The following MDGA1 variants were observed in gnomAD, a reference collection of about 807,000 sequenced individuals.
MDGA1 encodes MAM domain containing glycosylphosphatidylinositol anchor 1, also known as MAM domain-containing glycosylphosphatidylinositol anchor protein 1.
Under a neutral mutation model 101.5 loss-of-function variants are expected in MDGA1, and 54 were observed. The observed-to-expected ratio is 0.53, with a 90% CI of 0.43 to 0.67. MDGA1 has a LOEUF of 0.67. MDGA1 is among the 30% of genes least tolerant of loss of function. MDGA1 has a pLI of 0.00. For missense variants in MDGA1, 1,083 were observed against 1,323.8 expected, an observed-to-expected ratio of 0.82 and a Z score of 2.82; for synonymous variants, 533 against 558.3, an observed-to-expected ratio of 0.95 and a Z score of 0.64.
At position 37,644,643 on chromosome 6, in the gene MDGA1, GTGT is replaced by G; in HGVS notation, c.2252_2254del (p.Asn751del). 6.3e-7 allele frequency: 1 copy of G among 1,580,796 alleles called. No individual in the cohort carries two copies. The highest frequency in any genetic ancestry group is 8.6e-7 in the Non-Finnish European group (1 of 1,163,696). On this transcript the variant is annotated inframe_deletion, in exon 13 of 17. Transcript: ENST00000434837. ...GATCTTCTCATCCTCAAAGTGGCAG[GTGT>G]TGTCTGCATTTTATGGGGCGAATGA... is the stretch of plus-strand genomic sequence containing the variant.
At chr6:37,663,719 G>A (rs1761676899) in intron 2 of MDGA1, among the ~76,000 whole-genome samples, 1 of 152,172 alleles carries the variant, frequency 6.6e-6, no homozygotes. Context: ...GGAATGGAGT[G>A]GAATTGAACA....
At chr6:37,676,188 C>T (rs1761973853) in intron 1 of MDGA1, among the ~76,000 whole-genome samples, 1 of 152,202 alleles carries the variant, frequency 6.6e-6, no homozygotes, top group African/African-American at 2.4e-5. Context: ...CTGATAGGCC[C>T]CAGTCTCTAG....
intron 3 of MDGA1, 54 bp downstream of exon 3, chr6:37,658,191 C>G: frequency 6.7e-7 from 1 of 1,483,870 alleles, no homozygotes; most frequent in Non-Finnish European, 9.0e-7. Context: ...CTGGGGCGCC[C>G]TCTGGCCCGG....
At chr6:37,691,523 C>T (rs1413602321) in intron 1 of MDGA1, among the ~76,000 whole-genome samples, 1 of 152,162 alleles carries the variant, frequency 6.6e-6, no homozygotes, top group African/African-American at 2.4e-5. Context: ...CATGACCAAA[C>T]GAATGGTGGG....
In MDGA1 at chr6:37,655,647, C is replaced by T; in HGVS notation, c.579+53G>A. The stretch of plus-strand genomic sequence containing the variant: ...AAAAACTCAGCCCCATGCCCCCCTC[C>T]CCTGTTGGATGCAGGAGAAGTGGTA... On this transcript the variant is annotated intron_variant, in intron 4 of 16. Coordinates refer to ENST00000434837, the MANE Select transcript of MDGA1 (RefSeq NM_153487.4). This position sits in a 1 kb window ranked among gnomAD's most constrained non-coding sequence, Gnocchi z 5.1. 7 of 1,423,930 alleles carry T rather than the reference C, an allele frequency of 4.9e-6. No individual in the cohort carries two copies. The South Asian group carries it at 8.3e-5, about 17-fold the overall frequency. 88.2% of individuals were successfully genotyped at this position (1,423,930 alleles called of 1,614,324 possible).
At chr6:37,662,782 C>T (rs543484171) in intron 2 of MDGA1, among the ~76,000 whole-genome samples, 41 of 152,276 alleles carry the variant, frequency 2.7e-4, no homozygotes, top group African/African-American at 8.7e-4. Context: ...TACACATACA[C>T]ACAGCCACAA....
rs542337380 is a variant in MDGA1, at chr6:37,630,959, T to C, written c.*6409A>G. The C allele has an allele frequency of 6.6e-6, 1 of 152,140 alleles. No homozygotes were observed. Among genetic ancestry groups the C allele is most frequent in the Middle Eastern group, 3.4e-3 (1 of 292 alleles). The allele number at this position is 152,140 out of a possible 1,614,324, so 9.4% of individuals were successfully genotyped here. A position where few individuals can be genotyped will look rare whatever the true frequency, so the allele number is the denominator to read the frequency against. On this transcript the variant is annotated 3_prime_UTR_variant, in exon 17 of 17. Coordinates refer to ENST00000434837, the MANE Select transcript of MDGA1 (RefSeq NM_153487.4). ...CGTTCCAAGAGGCCTGAGCTGAAGC[T>C]CCAAGGCATCTTCAACTCAGCATGT...
chr6:37,650,494 G>C (rs804817), intron 7 of MDGA1, 89 bp from the exon 8 acceptor site: 367,428 of 1,325,756 alleles, frequency 0.28, 57,318 homozygotes, highest in African/African-American at 0.64. Flanking sequence ...CTTACCTCCC[G>C]CTAGGGGCAA....
At chr6:37,664,907 G>A (rs868311771) in intron 1 of MDGA1, among the ~76,000 whole-genome samples, 90 of 54,434 alleles carry the variant, frequency 1.7e-3, no homozygotes, top group African/African-American at 4.6e-3. Flanking sequence ...ACACACACAC[G>A]GCTGCACATT....
chr6:37,641,274 T>C (rs981481137), intron 14 of MDGA1, among the ~76,000 whole-genome samples: 1 of 152,172 alleles, frequency 6.6e-6, no homozygotes, highest in African/African-American at 2.4e-5. Context: ...GGAAGTGCCA[T>C]GGAAATGCCA....
At chr6:37,675,184 C>T (rs1761951515) in intron 1 of MDGA1, among the ~76,000 whole-genome samples, 1 of 152,208 alleles carries the variant, frequency 6.6e-6, no homozygotes, top group African/African-American at 2.4e-5. Flanking sequence ...TCTGAGAGGG[C>T]TGCTCAACGG....
At chr6:37,645,883 T>C in intron 12 of MDGA1, 50 bp downstream of exon 12, 1 of 1,604,742 alleles carries the variant, frequency 6.2e-7, no homozygotes, top group Non-Finnish European at 8.5e-7. Flanking sequence ...CAGGAGAGCC[T>C]TTGTGTCCCT....
rs1270398577 is a variant in MDGA1 at position 37,636,252 on chromosome 6, C to T, written c.*1116G>A. The T allele has an allele frequency of 6.6e-6, 1 of 152,630 alleles. No individual in the cohort carries two copies. Among genetic ancestry groups the T allele is most frequent in the Non-Finnish European group, 1.5e-5 (1 of 68,308 alleles). 9.5% of individuals were successfully genotyped at this position (152,630 alleles called of 1,614,324 possible). On this transcript the variant is annotated 3_prime_UTR_variant, in exon 17 of 17. Coordinates refer to ENST00000434837, the MANE Select transcript of MDGA1 (RefSeq NM_153487.4). ...GAGTGAGGGGACTGGCACCTGCTCC[C>T]TCCACCAATCCCAGCTCTATAAGCC...
At chr6:37,677,977 A>T (rs1246995942) in intron 1 of MDGA1, among the ~76,000 whole-genome samples, 1 of 152,180 alleles carries the variant, frequency 6.6e-6, no homozygotes, top group East Asian at 1.9e-4. Flanking sequence ...ATCTCTGCAT[A>T]TGCAGTTACC....
chr6:37,658,346 C>A lies in MDGA1; in HGVS notation c.281G>T (p.Arg94Leu), dbSNP rs1373520317. 6.2e-7 allele frequency: 1 copy of A among 1,613,006 alleles called. No individual in the cohort carries two copies. Among genetic ancestry groups the A allele is most frequent in the Non-Finnish European group, 8.5e-7 (1 of 1,179,708 alleles). The change falls in exon 3 of 17, where the codon CGC becomes CTC. Residue 94 changes from arginine to leucine, a missense_variant. Arg to Leu is a moderately radical substitution (Grantham distance 102). Coordinates refer to ENST00000434837, the MANE Select transcript of MDGA1 (RefSeq NM_153487.4). ...CTGCGTGCGTGCAATACGCTCGATGCGCAGCGTCTCGTTGAACACCGATGT... is the reference window on the plus strand; with the variant it reads ...CTGCGTGCGTGCAATACGCTCGATGAGCAGCGTCTCGTTGAACACCGATGT... ...QETSVFNETL[R>L]IERIARTQGG...
chr6:37,649,330 G>A (rs1479963384), intron 8 of MDGA1, 64 bp from the exon 9 acceptor site: 4 of 1,413,722 alleles, frequency 2.8e-6, no homozygotes, highest in Non-Finnish European at 3.7e-6. Context: ...GGAGTGGCCC[G>A]TGGGGAGGCA....
rs564518996 is a variant in MDGA1, at chr6:37,640,862, G to A, written c.2537-2195C>T. ...ATATCTCCAGGAGGGAGAAGAGAGA[G>A]CCGTTCCTTTGGGGCTGGTGAGGAT... On this transcript the variant is annotated intron_variant, in intron 14 of 16. Coordinates refer to ENST00000434837, the MANE Select transcript of MDGA1 (RefSeq NM_153487.4). Among the ~76,000 whole-genome samples the A allele has an allele frequency of 1.4e-3, 210 of 152,270 alleles. 1 individual carries two copies. The highest frequency in any genetic ancestry group is 6.8e-3 in the Middle Eastern group (2 of 294).
chr6:37,676,566 G>A (rs957386865), intron 1 of MDGA1, among the ~76,000 whole-genome samples: 5 of 152,230 alleles, frequency 3.3e-5, no homozygotes, highest in African/African-American at 1.2e-4. Flanking sequence ...GATGGAGGTA[G>A]GTGGCAGGGG....
At chr6:37,647,494 T>G (rs1424937252) in intron 9 of MDGA1, among the ~76,000 whole-genome samples, 170 bp from the exon 10 acceptor site, 5 of 145,368 alleles carry the variant, frequency 3.4e-5, no homozygotes, top group Non-Finnish European at 4.5e-5. Context: ...AAGAGGGGAT[T>G]GGGGAAAACG....
Sources: allele counts gnomAD v4.1 joint callset (sites outside exome capture counted in the v4.1 genomes callset), GRCh38; gene constraint gnomAD v4.1.1; non-coding constraint Gnocchi (gnomAD v3.1); transcripts MANE v1.5; gene names NCBI Gene and HGNC (gene_info 2026-07-23, HGNC 2026-07-21).